The following DRC7 variants were observed in gnomAD, a reference collection of about 807,000 sequenced individuals.
DRC7 encodes the protein dynein regulatory complex subunit 7, also known as coiled-coil domain containing 135.
A neutral mutation model predicts 104.4 loss-of-function variants in DRC7; 80 were observed. The observed-to-expected ratio is 0.77, with a 90% CI of 0.64 to 0.92. DRC7 has a LOEUF of 0.92. Ranked by LOEUF, DRC7 falls within the 40% of genes least tolerant of loss-of-function variation. The probability of loss-of-function intolerance (pLI) is 0.00; values close to 1 mark genes in which losing one functional copy is unlikely to be tolerated. For synonymous variants in DRC7, 405 were observed against 447.3 expected (o/e 0.91, Z 1.19); for missense variants, 1,034 against 1,141.1 (o/e 0.91, Z 1.35).
intron 2 of DRC7, among the ~76,000 whole-genome samples, chr16:57,696,820 A>G (rs1300098261): frequency 6.6e-6 from 1 of 152,158 alleles, no homozygotes; most frequent in Non-Finnish European, 1.5e-5. Context: ...TCCCAGTTTG[A>G]TCAGGTGAGA....
At position 57,714,063 on chromosome 16, in the gene DRC7, C is replaced by T. The variant is rs114742955; in HGVS notation, c.1078-4284C>T. 3.4e-3 allele frequency: 737 copies of T among 215,034 alleles called. 6 individuals carry two copies. Among genetic ancestry groups the T allele is most frequent in the African/African-American group, 0.016 (700 of 42,918 alleles). 13.3% of individuals were successfully genotyped at this position (215,034 alleles called of 1,614,324 possible). A position where few individuals can be genotyped will look rare whatever the true frequency, so the allele number is the denominator to read the frequency against. On this transcript the variant is annotated intron_variant, in intron 8 of 18. Transcript: ENST00000360716. ...ATGTACAGAAAGCTGTCTCATCTTC[C>T]TTTGACCGAGTTATCATGGAGATAA...
chr16:57,701,959 C>T lies in DRC7; in HGVS notation c.528C>T (p.Thr176=), dbSNP rs771636598. The change falls in exon 6 of 19, where the codon ACC becomes ACT. Residue 176 remains threonine, a synonymous_variant. Transcript: ENST00000360716. ...AGCCCTCGCACCTGTACTCCTCGAC[C>T]ACTGTGCTCAAGTACCAGAAGGGGA... ...LKPPSHLYSS[T]TVLKYQKGNC... is the part of the protein sequence containing the mutation. 3 of 1,614,046 alleles carry T rather than the reference C, an allele frequency of 1.9e-6. No individual in the cohort carries two copies. The highest frequency in any genetic ancestry group is 1.6e-4 in the Middle Eastern group (1 of 6,082).
chr16:57,709,545 C>T (rs1273025784), intron 8 of DRC7, among the ~76,000 whole-genome samples: 1 of 151,900 alleles, frequency 6.6e-6, no homozygotes, highest in Admixed American at 6.6e-5. Context: ...TTTAATCAAA[C>T]AAAATTTGTT....
intron 15 of DRC7, 53 bp from the exon 16 acceptor site, chr16:57,727,246 C>T: frequency 7.0e-7 from 1 of 1,429,558 alleles, no homozygotes; most frequent in Non-Finnish European, 9.9e-7. Context: ...GCTGGGGTTA[C>T]AGGAGTGGAG....
At chr16:57,709,073 G>A (rs775962959) in intron 8 of DRC7, among the ~76,000 whole-genome samples, 1 of 150,202 alleles carries the variant, frequency 6.7e-6, no homozygotes, top group Admixed American at 6.7e-5. Context: ...AGGTTGTAGT[G>A]AGCCTATATT....
In DRC7 at chr16:57,728,518, G is replaced by A. The variant is rs2049000156; in HGVS notation, c.2325G>A (p.Glu775=). The change falls in exon 17 of 19, where the codon GAG becomes GAA. Residue 775 remains glutamate (E), a synonymous_variant. Transcript: ENST00000360716. ...GGCAGGCGGTGCGCCTCAAGGATGA[G>A]TGCCTCAGCGACTTCAAGCAGCGGC... is the stretch of plus-strand genomic sequence containing the variant. ...TCWQAVRLKD[E]CLSDFKQRLI... The A allele has an allele frequency of 6.2e-7, 1 of 1,612,092 alleles. No individual in the cohort carries two copies. The highest frequency in any genetic ancestry group is 1.7e-4 in the Middle Eastern group (1 of 6,034).
chr16:57,703,746 C>G (rs1378428852), intron 6 of DRC7, among the ~76,000 whole-genome samples: 1 of 152,134 alleles, frequency 6.6e-6, no homozygotes, highest in African/African-American at 2.4e-5. Flanking sequence ...GCAAGTGGAC[C>G]ACTTGAGCGC....
intron 15 of DRC7, 32 bp downstream of exon 15, chr16:57,726,974 C>T (rs138735933): frequency 1.1e-4 from 152 of 1,380,018 alleles, no homozygotes; most frequent in African/African-American, 1.6e-4. Flanking sequence ...AGCAGGTGGG[C>T]GGTATCTTTG....
At position 57,697,988 on chromosome 16, in the gene DRC7, G is replaced by T; in HGVS notation, c.39G>T (p.Glu13Asp). 6.2e-7 allele frequency: 1 copy of T among 1,613,470 alleles called. No individual in the cohort carries two copies. Among genetic ancestry groups the T allele is most frequent in the East Asian group, 2.2e-5 (1 of 44,876 alleles). ...GGGAGAAGGTGGAGGAGGAGGAGGAGGCCGAGCGGGAGGAGGCGGCCGAGT... is the reference window on the plus strand; with the variant it reads ...GGGAGAAGGTGGAGGAGGAGGAGGATGCCGAGCGGGAGGAGGCGGCCGAGT... ...VLREKVEEEE[E>D]AEREEAAEWA... The change falls in exon 3 of 19, where the codon GAG becomes GAT. Residue 13 changes from glutamate (E) to aspartate (D), a missense_variant. Glu to Asp is a conservative substitution (Grantham distance 45). Transcript: ENST00000360716.
rs570999184 is a variant in DRC7, at chr16:57,716,777, T to G, written c.1078-1570T>G. On this transcript the variant is annotated intron_variant, in intron 8 of 18. Transcript: ENST00000360716. ...TATTAACACCCCTCCAGGCAGCTGTTCTGCAGCCTCTGATTTCCTCTGGAA... is the reference window on the plus strand; with the variant it reads ...TATTAACACCCCTCCAGGCAGCTGTGCTGCAGCCTCTGATTTCCTCTGGAA... Among the ~76,000 whole-genome samples, 7 of 152,250 alleles carry G rather than the reference T, an allele frequency of 4.6e-5. No homozygotes were observed. In the South Asian group the frequency reaches 1.0e-3, roughly 23 times the overall value.
Position 57,722,753 on chromosome 16 carries a change from G to T in DRC7, c.1320G>T (p.Gln440His), listed in dbSNP as rs577434117. Reference sequence around the variant, plus strand: ...GCCCGAACGGGAAGAAGGTGATTCAGTACAAGAGGGCAAAGCTGGAGAAGT... The same window carrying T: ...GCCCGAACGGGAAGAAGGTGATTCATTACAAGAGGGCAAAGCTGGAGAAGT... Reference protein sequence around the residue: ...TRCPNGKKVIQYKRAKLEKWA... With the variant: ...TRCPNGKKVIHYKRAKLEKWA... The change falls in exon 11 of 19, where the codon CAG (glutamine) becomes CAT (histidine). Residue 440 changes from glutamine (Q) to histidine (H), a missense_variant. Transcript: ENST00000360716. The T allele has an allele frequency of 1.2e-6, 2 of 1,613,882 alleles. No individual in the cohort carries two copies. The highest frequency in any genetic ancestry group is 2.7e-5 in the African/African-American group (2 of 75,036).
rs11076200 is a variant in DRC7 at position 57,698,518 on chromosome 16, C to CG, written c.204-332_204-331insG. Among the ~76,000 whole-genome samples the CG allele has an allele frequency of 3.1e-3, 470 of 151,872 alleles. 1 individual carries two copies. Among genetic ancestry groups the CG allele is most frequent in the Non-Finnish European group, 4.3e-3 (289 of 67,934 alleles). ...CCCGGGCAACATAGCAAGACCCCCC[C>CG]ACCCATGTCTACAAAAAATACAAAA... On this transcript the variant is annotated intron_variant, in intron 3 of 18. Transcript: ENST00000360716.
chr16:57,712,665 T>C (rs199692133), intron 8 of DRC7, among the ~76,000 whole-genome samples: 1 of 134,912 alleles, frequency 7.4e-6, no homozygotes, highest in Admixed American at 9.0e-5. Flanking sequence ...TAAGACTGTT[T>C]TTTGTTTTGT....
intron 5 of DRC7, among the ~76,000 whole-genome samples, chr16:57,700,578 C>T (rs987579870): frequency 7.0e-6 from 1 of 143,866 alleles, no homozygotes; most frequent in Admixed American, 7.4e-5. Flanking sequence ...ACCTGGGAAG[C>T]GGAAGTTGCA....
intron 8 of DRC7, among the ~76,000 whole-genome samples, chr16:57,710,056 C>T (rs559132421): frequency 3.3e-5 from 5 of 152,282 alleles, no homozygotes; most frequent in East Asian, 1.9e-4. Context: ...ACCACTGTCC[C>T]GGGCCCCAAA....
chr16:57,721,140 T>C (rs1225293030), intron 9 of DRC7, among the ~76,000 whole-genome samples: 2 of 152,088 alleles, frequency 1.3e-5, no homozygotes, highest in Non-Finnish European at 2.9e-5. Flanking sequence ...CACTTGAACC[T>C]GGGAGACGGA....
At chr16:57,716,963 C>G (rs2048849601) in intron 8 of DRC7, among the ~76,000 whole-genome samples, 1 of 151,926 alleles carries the variant, frequency 6.6e-6, no homozygotes, top group African/African-American at 2.4e-5. Flanking sequence ...TTGAGACCAG[C>G]CTGACCAACA....
intron 1 of DRC7, 95 bp from the exon 2 acceptor site, chr16:57,696,369 C>T (rs2048592297): frequency 6.6e-6 from 1 of 152,238 alleles, no homozygotes; most frequent in South Asian, 2.1e-4. Flanking sequence ...CTCGCCTTGG[C>T]TGCCCCACCT....
chr16:57,700,615 C>G (rs2048647133), intron 5 of DRC7, among the ~76,000 whole-genome samples: 1 of 137,440 alleles, frequency 7.3e-6, no homozygotes, highest in East Asian at 2.1e-4. Context: ...CCACTGCACT[C>G]TAGCCTGAGT....
Sources: gnomAD v4.1 joint callset for allele counts (sites outside exome capture counted in the v4.1 genomes callset) on GRCh38, gnomAD v4.1.1 for gene constraint, MANE v1.5 for transcripts, NCBI Gene and HGNC (gene_info 2026-07-23, HGNC 2026-07-21) for gene names.